Variants in RIMKLA observed in about 807,000 individuals in gnomAD.
RIMKLA encodes the protein N-acetylaspartylglutamate synthase A.
RIMKLA carries 14 observed loss-of-function variants against 32.7 expected under a neutral mutation model. The ratio of observed to expected loss-of-function variants is 0.43; its 90% confidence interval spans 0.28 to 0.67. The LOEUF (loss-of-function observed/expected upper bound fraction) is 0.67, where lower values mean the gene tolerates loss of function less well. Ranked by LOEUF, RIMKLA falls within the 30% of genes least tolerant of loss-of-function variation. The pLI is 0.18. For missense variants in RIMKLA, 410 were observed against 519.0 expected (o/e 0.79, Z 2.04); for synonymous variants, 176 against 204.1 (o/e 0.86, Z 1.18).
At chr1:42,413,985 G>T (rs979197197) in intron 4 of RIMKLA, among the ~76,000 whole-genome samples, 2 of 151,384 alleles carry the variant, frequency 1.3e-5, no homozygotes, top group African/African-American at 4.8e-5. Context: ...CAAACGCTTG[G>T]CCTCAAGCAA....
At chr1:42,389,311 G>A (rs1292513054) in intron 1 of RIMKLA, among the ~76,000 whole-genome samples, 1 of 152,158 alleles carries the variant, frequency 6.6e-6, no homozygotes, top group Non-Finnish European at 1.5e-5. Flanking sequence ...CAAAGTAGGA[G>A]CACCTTTACA....
chr1:42,388,207 A>T (rs1269863650), intron 1 of RIMKLA, among the ~76,000 whole-genome samples: 1 of 151,930 alleles, frequency 6.6e-6, no homozygotes, highest in African/African-American at 2.4e-5. Context: ...CCACTGAAGG[A>T]TATTTTTTGT....
chr1:42,410,695 T>A (rs1190110078), intron 4 of RIMKLA, among the ~76,000 whole-genome samples: 1 of 152,212 alleles, frequency 6.6e-6, no homozygotes, highest in Non-Finnish European at 1.5e-5. Context: ...CATAAACCCA[T>A]CCCATTAACC....
chr1:42,414,450 T>C (rs1298018888), intron 4 of RIMKLA, 34 bp from the exon 5 acceptor site: 1 of 1,604,216 alleles, frequency 6.2e-7, no homozygotes, highest in East Asian at 2.2e-5. Flanking sequence ...GACTTCTCAG[T>C]TGTCACCTTT....
At position 42,418,878 on chromosome 1, in the gene RIMKLA, A is replaced by G. The variant is rs1045717140; in HGVS notation, c.*3904A>G. The G allele has an allele frequency of 6.6e-6, 1 of 152,288 alleles. No individual in the cohort carries two copies. The highest frequency in any genetic ancestry group is 2.4e-5 in the African/African-American group (1 of 41,464). The allele number at this position is 152,288 out of a possible 1,614,324, so 9.4% of individuals were successfully genotyped here. Reference sequence around the variant, plus strand: ...GCAGGTCAGTTTAAGGAGTCAGGTCAGAGAATAAATCCAACCTTAGTCAAG... The same window carrying G: ...GCAGGTCAGTTTAAGGAGTCAGGTCGGAGAATAAATCCAACCTTAGTCAAG... On this transcript the variant is annotated 3_prime_UTR_variant, in exon 5 of 5. Coordinates refer to ENST00000431473, the MANE Select transcript of RIMKLA (RefSeq NM_173642.4).
chr1:42,417,239 T>C lies in RIMKLA; in HGVS notation c.*2265T>C, dbSNP rs1244372858. ...GATTCCTTTGCCAAAGGAGGCCCAT[T>C]TTCCAGCTGTGAGTGACATCTGTAG... On this transcript the variant is annotated 3_prime_UTR_variant, in exon 5 of 5. Coordinates refer to ENST00000431473, the MANE Select transcript of RIMKLA (RefSeq NM_173642.4). The C allele has an allele frequency of 6.6e-6, 1 of 152,336 alleles. No individual in the cohort carries two copies. Among genetic ancestry groups the C allele is most frequent in the Non-Finnish European group, 1.5e-5 (1 of 68,122 alleles). 9.4% of individuals were successfully genotyped at this position (152,336 alleles called of 1,614,324 possible).
At chr1:42,399,157 A>G (rs1047876769) in intron 1 of RIMKLA, among the ~76,000 whole-genome samples, 3 of 152,080 alleles carry the variant, frequency 2.0e-5, no homozygotes, top group African/African-American at 7.2e-5. Flanking sequence ...GGATTCTTTT[A>G]ACCTAGATTA....
intron 1 of RIMKLA, among the ~76,000 whole-genome samples, chr1:42,396,236 CAAA>C (rs11363612): frequency 1.2e-3 from 76 of 60,900 alleles, no homozygotes; most frequent in African/African-American, 5.1e-3. Context: ...AACTCCATCT[CAAA>C]AAAAAAAAAA....
At chr1:42,396,287 A>G (rs2148388135) in intron 1 of RIMKLA, among the ~76,000 whole-genome samples, 1 of 150,554 alleles carries the variant, frequency 6.6e-6, no homozygotes, top group Middle Eastern at 3.5e-3. Context: ...GTCAATGGGC[A>G]AAGATTGTGA....
intron 1 of RIMKLA, 115 bp from the exon 2 acceptor site, chr1:42,399,289 C>T (rs1643074541): frequency 2.7e-6 from 2 of 752,384 alleles, no homozygotes; most frequent in African/African-American, 1.8e-5. Flanking sequence ...TCCAGGGGGC[C>T]AATTTTGAGG....
At chr1:42,408,380 A>G (rs1172896750) in intron 3 of RIMKLA, among the ~76,000 whole-genome samples, 1 of 152,022 alleles carries the variant, frequency 6.6e-6, no homozygotes, top group Non-Finnish European at 1.5e-5. Flanking sequence ...TTTGGAATTT[A>G]CTTTTCAGTT....
intron 4 of RIMKLA, chr1:42,412,932 G>A (rs1390710152): frequency 2.7e-5 from 5 of 187,062 alleles, no homozygotes; most frequent in Non-Finnish European, 5.5e-5. Context: ...TCAAGAGATC[G>A]AGATCATCCT....
chr1:42,385,552 G>A (rs2148382374), intron 1 of RIMKLA, among the ~76,000 whole-genome samples: 1 of 152,192 alleles, frequency 6.6e-6, no homozygotes, highest in African/African-American at 2.4e-5. Context: ...AGTGTTCTTG[G>A]ATCCTTTTAC....
chr1:42,405,885 G>C (rs1446385824), intron 3 of RIMKLA, among the ~76,000 whole-genome samples: 1 of 152,212 alleles, frequency 6.6e-6, no homozygotes, highest in Admixed American at 6.5e-5. Context: ...GCAACACACA[G>C]AAGCAAGGGT....
rs1643290113 is a variant in RIMKLA at position 42,420,930 on chromosome 1, T to C, written c.*5956T>C. 1 of 152,268 alleles carries C rather than the reference T, an allele frequency of 6.6e-6. No homozygotes were observed. Among genetic ancestry groups the C allele is most frequent in the African/African-American group, 2.4e-5 (1 of 41,458 alleles). 9.4% of individuals were successfully genotyped at this position (152,268 alleles called of 1,614,324 possible). On this transcript the variant is annotated 3_prime_UTR_variant, in exon 5 of 5. Coordinates refer to ENST00000431473, the MANE Select transcript of RIMKLA (RefSeq NM_173642.4). ...GTCGCACTTAACCACATGCCTGGCT[T>C]TCCATAGGTTCCTTTCCTCTTGCTT... is the stretch of plus-strand genomic sequence containing the variant.
At chr1:42,384,102 G>T (rs1001747251) in intron 1 of RIMKLA, among the ~76,000 whole-genome samples, 8 of 152,168 alleles carry the variant, frequency 5.3e-5, no homozygotes, top group Non-Finnish European at 1.2e-4. Flanking sequence ...ATTCATTCCT[G>T]AGCTTTTCTC....
intron 3 of RIMKLA, among the ~76,000 whole-genome samples, chr1:42,406,056 A>G (rs903588866): frequency 6.6e-6 from 1 of 152,206 alleles, no homozygotes; most frequent in African/African-American, 2.4e-5. Flanking sequence ...TACACATAAA[A>G]TTCACATATT....
rs190666946 is a variant in RIMKLA at position 42,399,454 on chromosome 1, G to C, written c.214G>C (p.Val72Leu). ...ALTTFPDVVL[V>L]RVPTPSVQSD... ...CACCACTTTCCCGGATGTGGTGCTTGTACGGGTACCCACACCCTCAGTGCA... is the reference window on the plus strand; with the variant it reads ...CACCACTTTCCCGGATGTGGTGCTTCTACGGGTACCCACACCCTCAGTGCA... The change falls in exon 2 of 5, where the codon GTA (valine) becomes CTA (leucine). Residue 72 changes from valine to leucine, a missense_variant. By Grantham distance (32) the Val-to-Leu change is conservative. Coordinates refer to ENST00000431473, the MANE Select transcript of RIMKLA (RefSeq NM_173642.4). The C allele has an allele frequency of 6.2e-7, 1 of 1,613,178 alleles. No homozygotes were observed. Among genetic ancestry groups the C allele is most frequent in the Admixed American group, 1.7e-5 (1 of 59,896 alleles).
chr1:42,391,376 G>A (rs1007296479), intron 1 of RIMKLA, among the ~76,000 whole-genome samples: 3 of 152,096 alleles, frequency 2.0e-5, no homozygotes, highest in Non-Finnish European at 2.9e-5. Flanking sequence ...ATGAGATTCA[G>A]GCTGGATATT....
Sources: gnomAD v4.1 joint callset for allele counts (sites outside exome capture counted in the v4.1 genomes callset) on GRCh38, gnomAD v4.1.1 for gene constraint, MANE v1.5 for transcripts, NCBI Gene and HGNC (gene_info 2026-07-23, HGNC 2026-07-21) for gene names.